ANO10: variants seen among roughly 807,000 people sequenced by gnomAD.
The protein encoded by ANO10 is anoctamin 10, also known as anoctamin-10.
A neutral mutation model predicts 74.7 loss-of-function variants in ANO10; 77 were observed. The ratio of observed to expected loss-of-function variants is 1.03; its 90% confidence interval spans 0.86 to 1.25. The LOEUF (loss-of-function observed/expected upper bound fraction) is 1.25. Among genes scored for constraint, ANO10 ranks in the 50% most tolerant of loss-of-function variants. The probability of loss-of-function intolerance (pLI) is 0.00; values close to 1 mark genes in which losing one functional copy is unlikely to be tolerated. For synonymous variants in ANO10, 279 were observed against 284.9 expected (o/e 0.98, Z 0.21); for missense variants, 721 against 778.1 (o/e 0.93, Z 0.87).
intron 12 of ANO10, among the ~76,000 whole-genome samples, chr3:43,409,314 G>A (rs900432160): frequency 1.3e-5 from 2 of 152,124 alleles, no homozygotes; most frequent in East Asian, 3.9e-4. Flanking sequence ...TTGGGAGGCC[G>A]AGGCGGGTGG....
intron 11 of ANO10, among the ~76,000 whole-genome samples, chr3:43,445,122 CAAA>C (rs10689478): frequency 1.1e-5 from 1 of 91,532 alleles, no homozygotes; most frequent in Admixed American, 1.3e-4. Flanking sequence ...GACTTTGCCT[CAAA>C]AAAAAAAAAA....
intron 12 of ANO10, among the ~76,000 whole-genome samples, chr3:43,419,134 GT>G (rs899485660): frequency 3.9e-5 from 6 of 152,228 alleles, no homozygotes; most frequent in Non-Finnish European, 8.8e-5. Flanking sequence ...GGCTGGCTGA[GT>G]GTCCTCACAA....
At chr3:43,548,625 G>A (rs906063874) in intron 11 of ANO10, among the ~76,000 whole-genome samples, 3 of 152,194 alleles carry the variant, frequency 2.0e-5, no homozygotes, top group African/African-American at 7.2e-5. Flanking sequence ...CCTCTGGTCA[G>A]CCCTGAGTCC....
intron 4 of ANO10, among the ~76,000 whole-genome samples, chr3:43,592,953 C>T (rs997791313): frequency 2.6e-5 from 4 of 152,166 alleles, no homozygotes; most frequent in African/African-American, 4.8e-5. Context: ...ACAAGAATTA[C>T]GTGATGCATG....
rs1229411895 is a variant in ANO10 at position 43,432,637 on chromosome 3, C to T, written c.1888G>A (p.Glu630Lys). 1.2e-6 allele frequency: 2 copies of T among 1,613,666 alleles called. No individual in the cohort carries two copies. Among genetic ancestry groups the T allele is most frequent in the Non-Finnish European group, 1.7e-6 (2 of 1,179,730 alleles). Residue 630 changes from glutamate to lysine, a missense_variant, in exon 12 of 13, where the codon GAG becomes AAG. By Grantham distance (56) the Glu-to-Lys change is moderately conservative. Transcript: ENST00000292246. Reference protein sequence around the residue: ...IQMKLARLEFESLEALKQQQM... With the variant: ...IQMKLARLEFKSLEALKQQQM... ...TGCTGCTTGAGTGCCTCCAAAGACT[C>T]AAATTCCAGTCTGGCTAGTTTCATC...
chr3:43,410,491 G>C (rs1296516819), intron 12 of ANO10, among the ~76,000 whole-genome samples: 4 of 152,004 alleles, frequency 2.6e-5, no homozygotes, highest in African/African-American at 9.7e-5. Flanking sequence ...GGTCTTACTG[G>C]CCCTGTATCT....
At chr3:43,607,640 T>G (rs576264123) in intron 1 of ANO10, among the ~76,000 whole-genome samples, 1 of 152,264 alleles carries the variant, frequency 6.6e-6, no homozygotes, top group African/African-American at 2.4e-5. Flanking sequence ...TAGGTTTGCA[T>G]CATCTCAATC....
chr3:43,688,994 G>A (rs1219386463), intron 1 of ANO10, among the ~76,000 whole-genome samples: 4 of 152,146 alleles, frequency 2.6e-5, no homozygotes, highest in Admixed American at 6.5e-5. Flanking sequence ...AGGGCAAAGC[G>A]GGAGCAGGCA....
intron 11 of ANO10, among the ~76,000 whole-genome samples, chr3:43,464,629 T>A (rs2075535716): frequency 1.3e-5 from 2 of 152,018 alleles, no homozygotes; most frequent in South Asian, 4.1e-4. Context: ...CAGTGAGCCA[T>A]AACTGCCCCA....
At chr3:43,466,374 A>AAAAAAC in intron 11 of ANO10, among the ~76,000 whole-genome samples, 1 of 71,354 alleles carries the variant, frequency 1.4e-5, no homozygotes, top group African/African-American at 4.0e-5. Context: ...CATCTCAAAA[A>AAAAAAC]AAAAAAAAAA....
chr3:43,574,898 T>C (rs1029475981), intron 6 of ANO10, 34 bp from the exon 7 acceptor site: 6 of 1,587,014 alleles, frequency 3.8e-6, no homozygotes, highest in African/African-American at 1.3e-5. Flanking sequence ...AACTTCTCAG[T>C]AAGAAAACAA....
intron 8 of ANO10, among the ~76,000 whole-genome samples, chr3:43,563,644 T>G (rs1386927720): frequency 1.3e-5 from 2 of 152,156 alleles, no homozygotes; most frequent in Non-Finnish European, 2.9e-5. Flanking sequence ...ATGTGGTATA[T>G]ATACACAATG....
chr3:43,670,419 T>C (rs1004543087), intron 1 of ANO10, among the ~76,000 whole-genome samples: 3 of 152,142 alleles, frequency 2.0e-5, no homozygotes, highest in African/African-American at 7.2e-5. Flanking sequence ...CTTAAGAGTC[T>C]TAATTTTTTA....
chr3:43,581,402 C>A (rs4682691), intron 4 of ANO10, among the ~76,000 whole-genome samples: 102,016 of 152,092 alleles, frequency 0.67, 34,638 homozygotes, highest in East Asian at 0.89. Flanking sequence ...AACCAAAGAC[C>A]GTATCTCCCA....
At chr3:43,469,191 C>T (rs2075755467) in intron 11 of ANO10, among the ~76,000 whole-genome samples, 1 of 151,648 alleles carries the variant, frequency 6.6e-6, no homozygotes, top group Admixed American at 6.6e-5. Flanking sequence ...TACAGGCACA[C>T]ACAACCATGC....
In ANO10 at chr3:43,405,419, T is replaced by C. The variant is rs114336038; in HGVS notation, c.1914+27192A>G. 7.6e-3 allele frequency among the ~76,000 whole-genome samples: 1,154 copies of C among 152,356 alleles called. 14 individuals are homozygous for C. The highest frequency in any genetic ancestry group is 0.025 in the African/African-American group (1,034 of 41,576). On this transcript the variant is annotated intron_variant, in intron 12 of 12. Coordinates refer to ENST00000292246, the MANE Select transcript of ANO10 (RefSeq NM_018075.5). ...GACCATCCATGAACTCACTGTGTTG[T>C]GACTCTGAAGACTCAAAGCTTTCTG...
chr3:43,639,056 C>CCCGT, intron 1 of ANO10: 1 of 152,426 alleles, frequency 6.6e-6, no homozygotes, highest in Admixed American at 6.5e-5. Flanking sequence ...AGGCTGCTCA[C>CCCGT]CCGTCCTCAG....
chr3:43,615,565 T>C (rs1023062713), intron 1 of ANO10, among the ~76,000 whole-genome samples: 1 of 152,314 alleles, frequency 6.6e-6, no homozygotes, highest in East Asian at 1.9e-4. Flanking sequence ...TAAAATAGTA[T>C]AGAAGCCTCA....
chr3:43,546,212 A>G (rs994070860), intron 11 of ANO10, among the ~76,000 whole-genome samples: 2 of 152,248 alleles, frequency 1.3e-5, no homozygotes, highest in Non-Finnish European at 2.9e-5. Flanking sequence ...CTTCTGATCG[A>G]TAGTTAACAT....
Sources: allele counts gnomAD v4.1 joint callset (sites outside exome capture counted in the v4.1 genomes callset), GRCh38; gene constraint gnomAD v4.1.1; transcripts MANE v1.5; gene names NCBI Gene and HGNC (gene_info 2026-07-23, HGNC 2026-07-21).